Variants in SLA2 observed in about 807,000 individuals in gnomAD.
SLA2 encodes the protein Src like adaptor 2.
SLA2 carries 22 observed loss-of-function variants against 27.3 expected under a neutral mutation model. The ratio of observed to expected loss-of-function variants is 0.81; its 90% CI spans 0.58 to 1.15. SLA2 has a LOEUF of 1.15. SLA2 is among the 50% of genes most tolerant of loss of function. The pLI is 0.00. For synonymous variants in SLA2, 131 were observed against 137.8 expected, an observed-to-expected ratio of 0.95 and a Z score of 0.34; for missense variants, 304 against 322.2, an observed-to-expected ratio of 0.94 and a Z score of 0.43.
At position 36,613,826 on chromosome 20, in the gene SLA2, G is replaced by A. The variant is rs2147973061; in HGVS notation, c.*40C>T. ...CCAGGAGGCTGAATTGGGGTTCTAG[G>A]TGTGCAGCCTTGGTTTCCCTTTTGG... is the stretch of plus-strand genomic sequence containing the variant. On this transcript the variant is annotated 3_prime_UTR_variant, in exon 8 of 8. Transcript: ENST00000262866. 6.3e-7 allele frequency: 1 copy of A among 1,578,798 alleles called. No homozygotes were observed. Among genetic ancestry groups the A allele is most frequent in the Non-Finnish European group, 8.6e-7 (1 of 1,159,686 alleles).
rs2039164727 is a variant in SLA2, at chr20:36,613,331, CA to C, written c.*534del. 6.5e-6 allele frequency: 1 copy of C among 153,172 alleles called. No individual in the cohort carries two copies. The highest frequency in any genetic ancestry group is 1.5e-5 in the Non-Finnish European group (1 of 68,814). The allele number at this position is 153,172 out of a possible 1,614,324, so 9.5% of individuals were successfully genotyped here. On this transcript the variant is annotated 3_prime_UTR_variant, in exon 8 of 8. Transcript: ENST00000262866. ...GAGGTCACATAGAGCCTGGACCATC[CA>C]AGATCTGCTGCTACGGTAAGACATC... is the stretch of plus-strand genomic sequence containing the variant.
intron 2 of SLA2, among the ~76,000 whole-genome samples, chr20:36,639,057 G>C (rs1418098218): frequency 6.6e-6 from 1 of 152,034 alleles, no homozygotes; most frequent in African/African-American, 2.4e-5. Flanking sequence ...TGTTGGTCAG[G>C]CTGGTCTCAA....
chr20:36,641,214 G>A, intron 2 of SLA2, 31 bp downstream of exon 2: 1 of 1,582,756 alleles, frequency 6.3e-7, no homozygotes, highest in Non-Finnish European at 8.7e-7. Context: ...TGTGTGGGAA[G>A]AGCCTGGCTG....
rs742915 is a variant in SLA2 at position 36,624,063 on chromosome 20, C to T, written c.382+8532G>A. On this transcript the variant is annotated intron_variant, in intron 5 of 7. Transcript: ENST00000262866. ...ATAAAGAGGTCAGGAGTCATCCATT[C>T]CTGATTGCTTCCTGTCTCAGCCTCA... Among the ~76,000 whole-genome samples the T allele has an allele frequency of 1.0e-3, 156 of 152,236 alleles. 2 individuals are homozygous for T. Among genetic ancestry groups the T allele is most frequent in the African/African-American group, 3.5e-3 (147 of 41,546 alleles).
At chr20:36,625,153 C>T (rs2039323318) in intron 5 of SLA2, among the ~76,000 whole-genome samples, 1 of 151,590 alleles carries the variant, frequency 6.6e-6, no homozygotes, top group Admixed American at 6.6e-5. Context: ...CTGGGATTTT[C>T]CTTAATGGTC....
intron 5 of SLA2, among the ~76,000 whole-genome samples, chr20:36,621,931 G>A (rs1482145892): frequency 4.0e-5 from 6 of 148,460 alleles, no homozygotes; most frequent in South Asian, 2.2e-4. Flanking sequence ...CAGGAGAATC[G>A]TTTGAGCCTG....
chr20:36,641,400 G>T, intron 1 of SLA2, 22 bp from the exon 2 acceptor site: 1 of 1,445,162 alleles, frequency 6.9e-7, no homozygotes, highest in Non-Finnish European at 9.7e-7. Context: ...ACAGTGATGG[G>T]GACAGAGCCG....
intron 3 of SLA2, among the ~76,000 whole-genome samples, 155 bp from the exon 4 acceptor site, chr20:36,633,784 C>G (rs2039416681): frequency 6.6e-6 from 1 of 151,838 alleles, no homozygotes; most frequent in African/African-American, 2.4e-5. Flanking sequence ...GTCCAGGTAC[C>G]TCCTGAGTCA....
At chr20:36,636,149 G>A (rs2039442666) in intron 2 of SLA2, among the ~76,000 whole-genome samples, 1 of 152,008 alleles carries the variant, frequency 6.6e-6, no homozygotes, top group African/African-American at 2.4e-5. Flanking sequence ...CGGGCGCGGT[G>A]GCTCACGCCT....
intron 2 of SLA2, 44 bp downstream of exon 2, chr20:36,641,201 T>C (rs761511569): frequency 1.3e-6 from 2 of 1,520,998 alleles, no homozygotes; most frequent in South Asian, 2.2e-5. Context: ...TGAAGTCTAG[T>C]ACTGTGTGGG....
intron 5 of SLA2, chr20:36,620,531 T>G (rs1490781935): frequency 5.6e-6 from 1 of 177,926 alleles, no homozygotes; most frequent in African/African-American, 2.4e-5. Flanking sequence ...GATCAAGATA[T>G]AGTTTTTAAA....
At chr20:36,617,290 G>A (rs1008319026) in intron 5 of SLA2, among the ~76,000 whole-genome samples, 24 of 148,868 alleles carry the variant, frequency 1.6e-4, no homozygotes, top group South Asian at 4.3e-4. Context: ...TTGCTTGAAC[G>A]CAGGAGACAG....
In SLA2 at chr20:36,612,988, T is replaced by G. The variant is rs1038028649; in HGVS notation, c.*878A>C. On this transcript the variant is annotated 3_prime_UTR_variant, in exon 8 of 8. Coordinates refer to ENST00000262866, the MANE Select transcript of SLA2 (RefSeq NM_032214.4). ...ATCCCAGCACTTTGGGAGGCCAAGG[T>G]GGGTGGATCACCTGAGGTCAGGAGT... 6.6e-6 allele frequency: 1 copy of G among 152,466 alleles called. No individual in the cohort carries two copies. The highest frequency in any genetic ancestry group is 2.4e-5 in the African/African-American group (1 of 41,450). The allele number at this position is 152,466 out of a possible 1,614,324, so 9.4% of individuals were successfully genotyped here.
chr20:36,628,044 T>C (rs2039357307), intron 5 of SLA2, among the ~76,000 whole-genome samples: 1 of 152,164 alleles, frequency 6.6e-6, no homozygotes, highest in South Asian at 2.1e-4. Flanking sequence ...GTTCCCTAGA[T>C]TGGAACTCTG....
intron 4 of SLA2, 129 bp downstream of exon 4, chr20:36,633,414 A>C (rs978501471): frequency 1.3e-6 from 1 of 752,324 alleles, no homozygotes; most frequent in Non-Finnish European, 2.3e-6. Flanking sequence ...GCCCCTCTTG[A>C]GGGCAGGACC....
chr20:36,628,957 A>G (rs543024682), intron 5 of SLA2, among the ~76,000 whole-genome samples: 18 of 151,572 alleles, frequency 1.2e-4, no homozygotes, highest in Non-Finnish European at 1.2e-4. Context: ...TCCTCCCCCA[A>G]CTAACATTTT....
intron 2 of SLA2, among the ~76,000 whole-genome samples, chr20:36,639,396 TAC>T (rs72401143): frequency 0.024 from 3,474 of 146,454 alleles, 76 homozygotes; most frequent in Admixed American, 0.062. Context: ...AAAAAATCTC[TAC>T]ACACACACAC....
intron 2 of SLA2, among the ~76,000 whole-genome samples, chr20:36,635,473 TG>T (rs2039435256): frequency 6.7e-6 from 1 of 150,272 alleles, no homozygotes; most frequent in African/African-American, 2.5e-5. Flanking sequence ...CAGACAAGGA[TG>T]GGGGTGTTGG....
intron 2 of SLA2, among the ~76,000 whole-genome samples, chr20:36,639,068 A>G (rs1184426950): frequency 6.6e-6 from 1 of 151,200 alleles, no homozygotes; most frequent in African/African-American, 2.4e-5. Context: ...CTGGTCTCAA[A>G]CTCCCACCCT....
Sources: allele counts gnomAD v4.1 joint callset (sites outside exome capture counted in the v4.1 genomes callset), GRCh38; gene constraint gnomAD v4.1.1; transcripts MANE v1.5; gene names NCBI Gene and HGNC (gene_info 2026-07-23, HGNC 2026-07-21).